NBEA: variants seen among roughly 807,000 people sequenced by gnomAD.
The protein encoded by NBEA is neurobeachin, also known as lysosomal-trafficking regulator 2.
In NBEA, 44 loss-of-function variants were observed where a neutral mutation model predicts 343.4. The ratio of observed to expected loss-of-function variants is 0.13; its 90% CI spans 0.10 to 0.16. The LOEUF (loss-of-function observed/expected upper bound fraction) is 0.16. Among genes scored for constraint, NBEA ranks in the 10% least tolerant of loss-of-function variants. The pLI, the probability that NBEA is intolerant of heterozygous loss-of-function variation, is 1.00. For missense variants in NBEA, 2,555 were observed against 3,631.3 expected (o/e 0.70, Z 7.62); for synonymous variants, 1,175 against 1,238.7 (o/e 0.95, Z 1.08).
chr13:35,065,744 G>GT (rs2063627703), intron 8 of NBEA, among the ~76,000 whole-genome samples: 1 of 151,978 alleles, frequency 6.6e-6, no homozygotes, highest in African/African-American at 2.4e-5. Flanking sequence ...ATCCCAGTCA[G>GT]TTTTTTTCCT....
chr13:35,586,021 A>G (rs1199316222), intron 46 of NBEA, among the ~76,000 whole-genome samples: 1 of 152,184 alleles, frequency 6.6e-6, no homozygotes, highest in Non-Finnish European at 1.5e-5. Flanking sequence ...ACTATAAGTG[A>G]CTGAGGAGTA....
intron 49 of NBEA, among the ~76,000 whole-genome samples, chr13:35,637,883 A>G (rs558437991): frequency 6.6e-6 from 1 of 152,252 alleles, no homozygotes; most frequent in East Asian, 1.9e-4. Context: ...TGAATGGATA[A>G]ACAAAATGTG....
At chr13:35,138,500 C>T (rs1314170277) in intron 17 of NBEA, among the ~76,000 whole-genome samples, 2 of 150,138 alleles carry the variant, frequency 1.3e-5, no homozygotes, top group Non-Finnish European at 3.0e-5. Flanking sequence ...TGCTCTGTCG[C>T]CCAGCTTGGA....
intron 18 of NBEA, among the ~76,000 whole-genome samples, chr13:35,149,832 G>T (rs542823068): frequency 3.7e-4 from 56 of 152,190 alleles, no homozygotes; most frequent in African/African-American, 1.2e-3. Flanking sequence ...CCATTGTGTA[G>T]TACTAACCTT....
intron 39 of NBEA, among the ~76,000 whole-genome samples, chr13:35,434,193 A>G (rs1006649650): frequency 1.1e-4 from 16 of 152,116 alleles, no homozygotes; most frequent in African/African-American, 3.9e-4. Flanking sequence ...ATAAGAAACA[A>G]AATTTAAAAT....
At chr13:35,474,142 AT>A (rs1020322983) in intron 41 of NBEA, 4 of 152,498 alleles carry the variant, frequency 2.6e-5, no homozygotes, top group African/African-American at 9.7e-5. Context: ...AGTGGGTTTG[AT>A]TTTCAAAATG....
intron 2 of NBEA, among the ~76,000 whole-genome samples, 162 bp downstream of exon 2, chr13:35,041,326 A>G (rs1369786436): frequency 6.6e-6 from 1 of 152,124 alleles, no homozygotes; most frequent in African/African-American, 2.4e-5. Flanking sequence ...GAAAACCTGA[A>G]GAGTGCAAGA....
At chr13:35,286,767 TTTTTG>T (rs372228604) in intron 34 of NBEA, among the ~76,000 whole-genome samples, 1,813 of 152,090 alleles carry the variant, frequency 0.012, 34 homozygotes, top group African/African-American at 0.041. Context: ...TTGTGGCAGT[TTTTTG>T]TTTTGTTTTG....
At chr13:35,152,898 A>G (rs1345387834) in intron 18 of NBEA, among the ~76,000 whole-genome samples, 2 of 152,060 alleles carry the variant, frequency 1.3e-5, no homozygotes, top group African/African-American at 4.8e-5. Context: ...GTTACTATGC[A>G]TATCTCTTAC....
intron 48 of NBEA, among the ~76,000 whole-genome samples, chr13:35,608,339 T>C (rs2082368757): frequency 6.6e-6 from 1 of 152,236 alleles, no homozygotes; most frequent in South Asian, 2.1e-4. Flanking sequence ...ATTTATATTT[T>C]TAATGTGAAT....
intron 34 of NBEA, among the ~76,000 whole-genome samples, chr13:35,256,334 G>T (rs976018308): frequency 6.6e-6 from 1 of 152,194 alleles, no homozygotes; most frequent in African/African-American, 2.4e-5. Flanking sequence ...TGTAAGTCTG[G>T]CTGGTTCTGG....
At chr13:35,102,808 CAAT>C (rs1840388512) in intron 11 of NBEA, among the ~76,000 whole-genome samples, 1 of 151,636 alleles carries the variant, frequency 6.6e-6, no homozygotes, top group South Asian at 2.1e-4. Flanking sequence ...TTTTTGTAGA[CAAT>C]AATAACATTG....
At chr13:35,368,511 T>A (rs117186401) in intron 38 of NBEA, among the ~76,000 whole-genome samples, 4,464 of 151,754 alleles carry the variant, frequency 0.029, 101 homozygotes, top group Non-Finnish European at 0.045. Context: ...CAATAAAATA[T>A]TTTTTATTTT....
chr13:34,979,466 G>A (rs1238480785), intron 1 of NBEA, among the ~76,000 whole-genome samples: 1 of 152,004 alleles, frequency 6.6e-6, no homozygotes, highest in Non-Finnish European at 1.5e-5. Flanking sequence ...GTTGCAGTGA[G>A]CCAAGATTGA....
chr13:35,129,049 T>C (rs1339193579), intron 17 of NBEA, among the ~76,000 whole-genome samples: 1 of 129,548 alleles, frequency 7.7e-6, no homozygotes, highest in African/African-American at 3.0e-5. Context: ...ATGTGTGTGA[T>C]GTTTCTCCTT....
At chr13:35,543,769 T>C (rs1172445084) in intron 41 of NBEA, among the ~76,000 whole-genome samples, 1 of 152,068 alleles carries the variant, frequency 6.6e-6, no homozygotes, top group African/African-American at 2.4e-5. Flanking sequence ...ATTTCTTTGG[T>C]AGGGAAATAG....
At chr13:35,462,212 A>G (rs2046945918) in intron 40 of NBEA, among the ~76,000 whole-genome samples, 2 of 152,208 alleles carry the variant, frequency 1.3e-5, no homozygotes, top group South Asian at 4.1e-4. Context: ...AAAAAGACAC[A>G]TATGATCAAA....
Position 35,257,518 on chromosome 13 carries a change from TA to T in NBEA, c.5776+24905del, listed in dbSNP as rs563751635. 2.0e-3 allele frequency among the ~76,000 whole-genome samples: 306 copies of T among 152,286 alleles called. 1 individual carries two copies. The highest frequency in any genetic ancestry group is 6.8e-3 in the African/African-American group (282 of 41,570). On this transcript the variant is annotated intron_variant, in intron 34 of 58. Transcript: ENST00000379939. ...GGTTATGTTTACTATTTGAGATATT[TA>T]AAAAATACTTCATGTGGTTACAGTT...
At chr13:35,275,591 T>C (rs1006194993) in intron 34 of NBEA, among the ~76,000 whole-genome samples, 4 of 152,124 alleles carry the variant, frequency 2.6e-5, no homozygotes, top group African/African-American at 9.7e-5. Flanking sequence ...GAGAAAATTT[T>C]TGCAATCTAC....
Sources: allele counts gnomAD v4.1 joint callset (sites outside exome capture counted in the v4.1 genomes callset), GRCh38; gene constraint gnomAD v4.1.1; transcripts MANE v1.5; gene names NCBI Gene and HGNC (gene_info 2026-07-23, HGNC 2026-07-21).